FMN1: variants seen among roughly 807,000 people sequenced by gnomAD.
FMN1 encodes the protein formin 1, also known as formin-1.
A neutral mutation model predicts 132.4 loss-of-function variants in FMN1; 110 were observed. The ratio of observed to expected loss-of-function variants is 0.83; its 90% CI spans 0.71 to 0.97. The LOEUF is 0.97. Ranked by LOEUF, FMN1 falls within the 50% of genes least tolerant of loss-of-function variation. The probability of loss-of-function intolerance (pLI) is 0.00; values close to 1 mark genes in which losing one functional copy is unlikely to be tolerated. For missense variants in FMN1, 1,792 were observed against 1,705.3 expected (o/e 1.05, Z -0.90); for synonymous variants, 722 against 651.7 (o/e 1.11, Z -1.64).
At chr15:32,800,258 A>G (rs1376452778) in intron 18 of FMN1, among the ~76,000 whole-genome samples, 1 of 152,234 alleles carries the variant, frequency 6.6e-6, no homozygotes, top group Non-Finnish European at 1.5e-5. Context: ...ATGCAAATTA[A>G]AACTACTGGT....
intron 3 of FMN1, among the ~76,000 whole-genome samples, chr15:33,177,588 C>T (rs1045974102): frequency 2.6e-5 from 4 of 152,186 alleles, no homozygotes; most frequent in Non-Finnish European, 4.4e-5. Context: ...CACCAAATTA[C>T]TTTTCTAGGT....
intron 4 of FMN1, among the ~76,000 whole-genome samples, chr15:33,090,871 A>ATT (rs1466400198): frequency 6.6e-6 from 1 of 152,184 alleles, no homozygotes; most frequent in Non-Finnish European, 1.5e-5. Context: ...AGATGAAGAA[A>ATT]TTAAAGCTCA....
chr15:33,044,764 A>G (rs2036600583), intron 6 of FMN1, among the ~76,000 whole-genome samples: 1 of 152,192 alleles, frequency 6.6e-6, no homozygotes, highest in South Asian at 2.1e-4. Context: ...CTGAGAGCTG[A>G]AAAGACGACA....
At chr15:32,874,017 GTTT>G (rs962842419) in intron 16 of FMN1, among the ~76,000 whole-genome samples, 22 of 115,082 alleles carry the variant, frequency 1.9e-4, no homozygotes, top group African/African-American at 6.4e-4. Context: ...TATTTTAGTT[GTTT>G]TTTTTTTTTT....
intron 5 of FMN1, among the ~76,000 whole-genome samples, chr15:33,075,976 A>C (rs958906249): frequency 1.3e-5 from 2 of 152,224 alleles, no homozygotes; most frequent in African/African-American, 4.8e-5. Context: ...CTAGAATCCT[A>C]CTCTCAAATA....
In FMN1 at chr15:33,082,531, C is replaced by T. The variant is rs77308447; in HGVS notation, c.2043+6268G>A. On this transcript the variant is annotated intron_variant, in intron 5 of 20. Coordinates refer to ENST00000616417, the MANE Select transcript of FMN1 (RefSeq NM_001277313.2). ...ATTACAAACTATTCTCCATGGTGAG[C>T]ATTCCTCTCCAATGGTATCTTCAGG... Among the ~76,000 whole-genome samples the T allele has an allele frequency of 2.8e-3, 425 of 152,258 alleles. 3 individuals are homozygous for T. Among genetic ancestry groups the T allele is most frequent in the African/African-American group, 9.8e-3 (409 of 41,548 alleles).
intron 17 of FMN1, among the ~76,000 whole-genome samples, chr15:32,809,569 T>C (rs116491948): frequency 1.2e-4 from 18 of 152,148 alleles, no homozygotes; most frequent in African/African-American, 3.1e-4. Flanking sequence ...GGTGTCTTTA[T>C]TTTTGGGCAC....
chr15:32,827,091 G>T (rs1304176673), intron 17 of FMN1, among the ~76,000 whole-genome samples: 1 of 152,160 alleles, frequency 6.6e-6, no homozygotes, highest in African/African-American at 2.4e-5. Context: ...TGAACAGGTT[G>T]TGTGAGACAG....
At chr15:32,945,064 A>G (rs1244594298) in intron 9 of FMN1, among the ~76,000 whole-genome samples, 1 of 152,200 alleles carries the variant, frequency 6.6e-6, no homozygotes, top group Non-Finnish European at 1.5e-5. Context: ...TTGTTAAATT[A>G]GCCCTAGGAA....
At chr15:33,108,648 T>C (rs1340394928) in intron 4 of FMN1, among the ~76,000 whole-genome samples, 1 of 152,078 alleles carries the variant, frequency 6.6e-6, no homozygotes, top group African/African-American at 2.4e-5. Context: ...TCCCCACTCT[T>C]AAGAAAGGTC....
chr15:32,899,819 A>G, intron 14 of FMN1, 160 bp downstream of exon 14: 1 of 744,686 alleles, frequency 1.3e-6, no homozygotes, highest in Admixed American at 2.5e-5. Context: ...CTTTATTCGA[A>G]AGTGAAAAGA....
chr15:33,141,263 CTGTTA>C (rs1432330168), intron 4 of FMN1, among the ~76,000 whole-genome samples: 1 of 152,110 alleles, frequency 6.6e-6, no homozygotes, highest in Non-Finnish European at 1.5e-5. Context: ...CTTCTAAAAG[CTGTTA>C]AGTTTTCCTT....
At chr15:32,833,056 C>T (rs2058540190) in intron 17 of FMN1, among the ~76,000 whole-genome samples, 1 of 152,106 alleles carries the variant, frequency 6.6e-6, no homozygotes, top group Middle Eastern at 3.2e-3. Flanking sequence ...TTCTCCCCTC[C>T]TCCTCTGCTC....
chr15:33,059,284 C>T (rs2037374684), intron 6 of FMN1, among the ~76,000 whole-genome samples: 1 of 152,160 alleles, frequency 6.6e-6, no homozygotes. Flanking sequence ...GTTTATTTAT[C>T]CATTCACCCA....
intron 8 of FMN1, 100 bp downstream of exon 8, chr15:32,968,614 G>C: frequency 6.6e-7 from 1 of 1,516,470 alleles, no homozygotes; most frequent in Non-Finnish European, 8.9e-7. Flanking sequence ...CTTGATAATG[G>C]GTGCTACACT....
At chr15:32,880,220 G>A (rs546584495) in intron 16 of FMN1, among the ~76,000 whole-genome samples, 2 of 152,224 alleles carry the variant, frequency 1.3e-5, no homozygotes, top group South Asian at 4.1e-4. Flanking sequence ...CGCAGTCCCA[G>A]CTGATATATG....
intron 17 of FMN1, among the ~76,000 whole-genome samples, chr15:32,815,945 G>C (rs2058046840): frequency 6.6e-6 from 1 of 152,160 alleles, no homozygotes; most frequent in Non-Finnish European, 1.5e-5. Flanking sequence ...CTAAGACTCA[G>C]TTTTCTCATC....
chr15:33,128,838 G>A lies in FMN1; in HGVS notation c.1867+24210C>T, dbSNP rs12439207. On this transcript the variant is annotated intron_variant, in intron 4 of 20. Transcript: ENST00000616417. ...CAAAATAACAAAGCCTCCGCAATGCGGAAGACAACCGGAGCAGACTGCAGA... is the reference window on the plus strand; with the variant it reads ...CAAAATAACAAAGCCTCCGCAATGCAGAAGACAACCGGAGCAGACTGCAGA... Among the ~76,000 whole-genome samples the A allele has an allele frequency of 5.4e-4, 82 of 152,036 alleles. 1 individual carries two copies. The South Asian group carries it at 9.3e-3, about 17-fold the overall frequency.
At chr15:33,102,077 T>C (rs935505986) in intron 4 of FMN1, among the ~76,000 whole-genome samples, 2 of 151,972 alleles carry the variant, frequency 1.3e-5, no homozygotes, top group African/African-American at 4.8e-5. Flanking sequence ...CCCTTTTCTA[T>C]TCTTTTGGGT....
Sources: allele counts gnomAD v4.1 joint callset (sites outside exome capture counted in the v4.1 genomes callset), GRCh38; gene constraint gnomAD v4.1.1; transcripts MANE v1.5; gene names NCBI Gene and HGNC (gene_info 2026-07-23, HGNC 2026-07-21).